Variants in PLCG2 observed in about 807,000 individuals in gnomAD.
PLCG2 encodes the protein 1-phosphatidylinositol 4,5-bisphosphate phosphodiesterase gamma-2.
Under a neutral mutation model 175.6 loss-of-function variants are expected in PLCG2, and 69 were observed. The ratio of observed to expected loss-of-function variants is 0.39; its 90% CI spans 0.32 to 0.48. The LOEUF is 0.48. Ranked by LOEUF, PLCG2 falls within the 20% of genes least tolerant of loss-of-function variation. The pLI, the probability that PLCG2 is intolerant of heterozygous loss-of-function variation, is 0.91. For missense variants in PLCG2, 1,798 were observed against 1,650.9 expected (o/e 1.09, Z -1.54); for synonymous variants, 827 against 624.0 (o/e 1.33, Z -4.85).
At chr16:81,928,910 C>CCAT in intron 24 of PLCG2, 3 of 379,440 alleles carry the variant, frequency 7.9e-6, no homozygotes, top group Non-Finnish European at 9.6e-6. Context: ...ATTTCAGGAT[C>CCAT]CATCTGTGTT....
chr16:81,885,859 T>A (rs1419707201), intron 9 of PLCG2, among the ~76,000 whole-genome samples: 1 of 152,204 alleles, frequency 6.6e-6, no homozygotes, highest in Non-Finnish European at 1.5e-5. Flanking sequence ...CGTGTTGTAA[T>A]CATCATGCCT....
chr16:81,787,535 CTTTTTTT>C (rs34698199), intron 2 of PLCG2, among the ~76,000 whole-genome samples: 4 of 141,458 alleles, frequency 2.8e-5, no homozygotes. Flanking sequence ...GCCTTGCACT[CTTTTTTT>C]TTTTTTTTAT....
chr16:81,954,710 G>T (rs1290775090), intron 31 of PLCG2, among the ~76,000 whole-genome samples: 1 of 152,138 alleles, frequency 6.6e-6, no homozygotes, highest in African/African-American at 2.4e-5. Flanking sequence ...TGGTGTATAT[G>T]TACCACATTT....
chr16:81,842,484 A>C (rs1222493953), intron 2 of PLCG2, among the ~76,000 whole-genome samples: 1 of 152,168 alleles, frequency 6.6e-6, no homozygotes, highest in Non-Finnish European at 1.5e-5. Context: ...TGGTTGACTG[A>C]ATAACTGAAA....
intron 2 of PLCG2, among the ~76,000 whole-genome samples, chr16:81,819,616 G>A (rs538823853): frequency 2.1e-4 from 32 of 152,204 alleles, no homozygotes; most frequent in African/African-American, 6.5e-4. Flanking sequence ...ACCAAGCTTC[G>A]CTCTTTCGCC....
At chr16:81,935,948 G>C (rs1260155293) in intron 26 of PLCG2, 2 of 985,066 alleles carry the variant, frequency 2.0e-6, no homozygotes, top group East Asian at 1.1e-4. Context: ...TAGCCTAAAA[G>C]GTGGTGGGAA....
At chr16:81,857,283 G>A (rs138639901) in intron 3 of PLCG2, among the ~76,000 whole-genome samples, 1 of 152,272 alleles carries the variant, frequency 6.6e-6, no homozygotes, top group East Asian at 1.9e-4. Flanking sequence ...TGAGCAGCTG[G>A]GGTTGAGAAA....
At chr16:81,785,065 C>G (rs1483341037) in intron 1 of PLCG2, among the ~76,000 whole-genome samples, 1 of 152,000 alleles carries the variant, frequency 6.6e-6, no homozygotes, top group Non-Finnish European at 1.5e-5. Flanking sequence ...GTGGGGAGAG[C>G]AGGATTAGAA....
At chr16:81,822,919 C>A (rs933147506) in intron 2 of PLCG2, among the ~76,000 whole-genome samples, 4 of 152,210 alleles carry the variant, frequency 2.6e-5, no homozygotes, top group African/African-American at 9.6e-5. Context: ...TGAAAATGGC[C>A]AGGAAGCAGG....
At chr16:81,924,579 G>A (rs1389661463) in intron 22 of PLCG2, among the ~76,000 whole-genome samples, 1 of 152,234 alleles carries the variant, frequency 6.6e-6, no homozygotes, top group Non-Finnish European at 1.5e-5. Context: ...TGACTCCAGA[G>A]CTTACACTCT....
chr16:81,914,840 C>T (rs1359528663), intron 19 of PLCG2, among the ~76,000 whole-genome samples: 3 of 152,190 alleles, frequency 2.0e-5, no homozygotes, highest in Admixed American at 6.5e-5. Context: ...CGCTCCCCAC[C>T]TCACCCCATG....
intron 2 of PLCG2, among the ~76,000 whole-genome samples, chr16:81,836,210 G>A (rs142696091): frequency 7.4e-4 from 113 of 152,258 alleles, no homozygotes; most frequent in African/African-American, 2.6e-3. Context: ...CCCAATCCCT[G>A]CATTTCTCAG....
chr16:81,892,446 G>C (rs1908681019), intron 11 of PLCG2, among the ~76,000 whole-genome samples: 1 of 152,120 alleles, frequency 6.6e-6, no homozygotes, highest in Admixed American at 6.5e-5. Flanking sequence ...TGTGGGTGGG[G>C]ACTTTCCTAA....
intron 29 of PLCG2, among the ~76,000 whole-genome samples, chr16:81,939,303 T>G (rs895987462): frequency 2.6e-5 from 4 of 152,122 alleles, no homozygotes; most frequent in Non-Finnish European, 5.9e-5. Flanking sequence ...TGGGAGATCT[T>G]AGCCCCTAGA....
At chr16:81,753,034 G>T (rs997605679) in intron 1 of PLCG2, among the ~76,000 whole-genome samples, 24 of 152,224 alleles carry the variant, frequency 1.6e-4, no homozygotes, top group African/African-American at 5.3e-4. Context: ...AATGGTATGA[G>T]CTACTATTAG....
intron 2 of PLCG2, among the ~76,000 whole-genome samples, chr16:81,826,875 T>G (rs1359345163): frequency 1.3e-5 from 2 of 150,202 alleles, no homozygotes; most frequent in African/African-American, 5.0e-5. Flanking sequence ...TTTAAAAAGT[T>G]CTTCTTCTGT....
chr16:81,928,176 TG>T (rs1465963740), intron 23 of PLCG2, among the ~76,000 whole-genome samples: 1 of 152,086 alleles, frequency 6.6e-6, no homozygotes, highest in East Asian at 1.9e-4. Flanking sequence ...CCACAGGACA[TG>T]GGGAGCCACA....
At chr16:81,779,651 C>T (rs1041202725) in intron 1 of PLCG2, among the ~76,000 whole-genome samples, 2 of 152,022 alleles carry the variant, frequency 1.3e-5, no homozygotes, top group East Asian at 3.9e-4. Flanking sequence ...CCCGGGCCGG[C>T]GCCACCTCTC....
chr16:81,780,079 G>A (rs910922774), intron 1 of PLCG2, among the ~76,000 whole-genome samples: 1 of 152,156 alleles, frequency 6.6e-6, no homozygotes, highest in East Asian at 1.9e-4. Context: ...GGGAGCTCCT[G>A]GATTCCAGCA....
Sources: gnomAD v4.1 joint callset for allele counts (sites outside exome capture counted in the v4.1 genomes callset) on GRCh38, gnomAD v4.1.1 for gene constraint, MANE v1.5 for transcripts, NCBI Gene and HGNC (gene_info 2026-07-23, HGNC 2026-07-21) for gene names.